Variants in SCN2A observed in about 807,000 individuals in gnomAD.
The protein encoded by SCN2A is sodium voltage-gated channel alpha subunit 2.
In SCN2A, 20 loss-of-function variants were observed where a neutral mutation model predicts 188.7. The observed-to-expected ratio is 0.11, with a 90% confidence interval of 0.07 to 0.15. The LOEUF (loss-of-function observed/expected upper bound fraction) is 0.15, where lower values mean the gene tolerates loss of function less well. Among genes scored for constraint, SCN2A ranks in the 10% least tolerant of loss-of-function variants. The pLI is 1.00. For missense variants in SCN2A, 1,278 were observed against 2,445.0 expected (o/e 0.52, Z 10.07); for synonymous variants, 804 against 833.1 (o/e 0.97, Z 0.60).
At chr2:165,291,432 C>CTT (rs1369634581) in intron 1 of SCN2A, among the ~76,000 whole-genome samples, 3 of 123,382 alleles carry the variant, frequency 2.4e-5, no homozygotes, top group African/African-American at 9.6e-5. Flanking sequence ...GTCTGTCTTT[C>CTT]TTTCTCTTTC....
At chr2:165,285,303 A>G (rs1695780722) in intron 1 of SCN2A, 1 of 157,286 alleles carries the variant, frequency 6.4e-6, no homozygotes, top group Non-Finnish European at 1.4e-5. Flanking sequence ...ACCTAATTCT[A>G]CGTGGCATAC....
intron 24 of SCN2A, 62 bp from the exon 25 acceptor site, chr2:165,381,031 A>G (rs1274282997): frequency 8.7e-7 from 1 of 1,145,878 alleles, no homozygotes; most frequent in Non-Finnish European, 1.3e-6. Flanking sequence ...CATGATTACT[A>G]AGGTGGATTT....
intron 25 of SCN2A, among the ~76,000 whole-genome samples, chr2:165,384,590 A>G (rs574647036): frequency 1.9e-4 from 29 of 152,238 alleles, no homozygotes; most frequent in African/African-American, 7.0e-4. Flanking sequence ...TGAACTTACT[A>G]TACTCTAGGA....
At chr2:165,276,884 G>T (rs1695365222) in intron 1 of SCN2A, among the ~76,000 whole-genome samples, 1 of 152,066 alleles carries the variant, frequency 6.6e-6, no homozygotes, top group South Asian at 2.1e-4. Flanking sequence ...TTAAAAATTA[G>T]TTCAATTCTG....
chr2:165,388,260 A>T lies in SCN2A; in HGVS notation c.4823-369A>T, dbSNP rs3754965. ...AGAACTCTCATATTCCTGACCCAAA[A>T]TCATACACCTTTAGTTCTTATGCAA... On this transcript the variant is annotated intron_variant, in intron 26 of 26. Transcript: ENST00000375437. Among the ~76,000 whole-genome samples the T allele has an allele frequency of 3.9e-3, 587 of 152,192 alleles. 6 individuals are homozygous for T. In the East Asian group the frequency reaches 0.049, roughly 13 times the overall value.
chr2:165,378,102 G>A (rs1701405958), intron 23 of SCN2A, among the ~76,000 whole-genome samples: 1 of 151,330 alleles, frequency 6.6e-6, no homozygotes, highest in Non-Finnish European at 1.5e-5. Flanking sequence ...GTGAGATTAA[G>A]TGGTAGAAGG....
intron 25 of SCN2A, among the ~76,000 whole-genome samples, chr2:165,386,534 A>ACACTACTTAC (rs1701883363): frequency 1.3e-5 from 2 of 152,084 alleles, no homozygotes; most frequent in African/African-American, 4.8e-5. Flanking sequence ...TTCCCTATTT[A>ACACTACTTAC]CACTACTTAC....
intron 22 of SCN2A, among the ~76,000 whole-genome samples, chr2:165,375,331 A>C (rs1701249981): frequency 6.6e-6 from 1 of 151,786 alleles, no homozygotes; most frequent in Non-Finnish European, 1.5e-5. Flanking sequence ...TATGGAAACA[A>C]CCTAATTGTC....
At chr2:165,263,739 G>A (rs1174209326) in intron 1 of SCN2A, among the ~76,000 whole-genome samples, 1 of 151,878 alleles carries the variant, frequency 6.6e-6, no homozygotes, top group African/African-American at 2.4e-5. Flanking sequence ...ATTTTTTCTA[G>A]TTCTATGAAG....
At chr2:165,304,932 C>T (rs888996883) in intron 3 of SCN2A, among the ~76,000 whole-genome samples, 1 of 152,134 alleles carries the variant, frequency 6.6e-6, no homozygotes, top group African/African-American at 2.4e-5. Context: ...TTACAATGGT[C>T]GTGTTAGCAC....
chr2:165,318,199 G>A (rs569307248), intron 11 of SCN2A, among the ~76,000 whole-genome samples: 5 of 152,256 alleles, frequency 3.3e-5, no homozygotes, highest in African/African-American at 1.2e-4. Context: ...TACAATGCAA[G>A]CCTTTACTGC....
At chr2:165,306,309 T>A (rs1345070584) in intron 3 of SCN2A, among the ~76,000 whole-genome samples, 1 of 152,150 alleles carries the variant, frequency 6.6e-6, no homozygotes, top group Non-Finnish European at 1.5e-5. Context: ...TGAGGACCAC[T>A]GAGGTTTGTG....
At chr2:165,311,186 T>C (rs1697406680) in intron 7 of SCN2A, among the ~76,000 whole-genome samples, 1 of 152,082 alleles carries the variant, frequency 6.6e-6, no homozygotes, top group Non-Finnish European at 1.5e-5. Context: ...ATTTAAGGTA[T>C]GAACATCAGA....
chr2:165,251,727 T>C (rs1443975405), intron 1 of SCN2A, among the ~76,000 whole-genome samples: 1 of 152,116 alleles, frequency 6.6e-6, no homozygotes, highest in Non-Finnish European at 1.5e-5. Context: ...AACCCTAATA[T>C]ACCTTTGTAA....
chr2:165,304,618 G>A (rs1159064631), intron 3 of SCN2A, among the ~76,000 whole-genome samples: 1 of 152,160 alleles, frequency 6.6e-6, no homozygotes, highest in Admixed American at 6.5e-5. Flanking sequence ...TTTGTCATTA[G>A]AGGAATAATA....
intron 1 of SCN2A, among the ~76,000 whole-genome samples, chr2:165,248,703 C>A (rs151141365): frequency 8.5e-4 from 129 of 151,920 alleles, no homozygotes; most frequent in African/African-American, 3.0e-3. Flanking sequence ...CATTGCATTT[C>A]TCTTGTTGGT....
rs1702147487 is a variant in SCN2A, at chr2:165,392,271, A to T, written c.*2447A>T. On this transcript the variant is annotated 3_prime_UTR_variant, in exon 27 of 27. Transcript: ENST00000375437. Reference sequence around the variant, plus strand: ...GATATGGCATCAGGTAGACTAGTGGAAAGTTACAAAAATTAATAAAAAATT... The same window carrying T: ...GATATGGCATCAGGTAGACTAGTGGTAAGTTACAAAAATTAATAAAAAATT... The T allele has an allele frequency of 1.3e-5, 2 of 152,490 alleles. No individual in the cohort carries two copies. The highest frequency in any genetic ancestry group is 4.1e-4 in the South Asian group (2 of 4,830). 9.4% of individuals were successfully genotyped at this position (152,490 alleles called of 1,614,324 possible).
chr2:165,374,678 G>T lies in SCN2A; in HGVS notation c.3973-7G>T, dbSNP rs746461302. ...TTCACTTATTTTTCCTTCTCATCCT[G>T]TGCCAGGTTGTTGTAAATGCTCTTT... On this transcript the variant is annotated splice_region_variant and splice_polypyrimidine_tract_variant and intron_variant, in intron 21 of 26. Transcript: ENST00000375437. 7 of 1,612,562 alleles carry T rather than the reference G, an allele frequency of 4.3e-6. No homozygotes were observed. In the South Asian group the frequency reaches 7.7e-5, roughly 18 times the overall value.
chr2:165,306,522 G>T (rs879838584), intron 3 of SCN2A, among the ~76,000 whole-genome samples: 40 of 80,550 alleles, frequency 5.0e-4, no homozygotes, highest in African/African-American at 1.6e-3. Context: ...GTGTGTGTGT[G>T]TGTGTGTGTG....
Sources: gnomAD v4.1 joint callset for allele counts (sites outside exome capture counted in the v4.1 genomes callset) on GRCh38, gnomAD v4.1.1 for gene constraint, MANE v1.5 for transcripts, NCBI Gene and HGNC (gene_info 2026-07-23, HGNC 2026-07-21) for gene names.